The following ANK1 variants were observed in gnomAD, a reference collection of about 807,000 sequenced individuals.
ANK1 encodes the protein ankyrin 1.
A neutral mutation model predicts 210.4 loss-of-function variants in ANK1; 51 were observed. That is an observed-to-expected ratio of 0.24 (90% CI 0.19 to 0.31). The LOEUF (loss-of-function observed/expected upper bound fraction) is 0.31. ANK1 is among the 10% of genes least tolerant of loss of function. The probability of loss-of-function intolerance (pLI) is 1.00; values close to 1 mark genes in which losing one functional copy is unlikely to be tolerated. For missense variants in ANK1, 2,051 were observed against 2,504.4 expected, an observed-to-expected ratio of 0.82 and a Z score of 3.86; for synonymous variants, 967 against 1,025.9, an observed-to-expected ratio of 0.94 and a Z score of 1.10.
At chr8:41,713,281 C>G (rs1197579947) in intron 16 of ANK1, among the ~76,000 whole-genome samples, 1 of 152,208 alleles carries the variant, frequency 6.6e-6, no homozygotes, top group Admixed American at 6.5e-5. Flanking sequence ...GTCTTCCTGG[C>G]CCCGCTCCCT....
intron 2 of ANK1, among the ~76,000 whole-genome samples, chr8:41,741,144 G>A (rs1834693696): frequency 6.6e-6 from 1 of 152,178 alleles, no homozygotes; most frequent in Non-Finnish European, 1.5e-5. Context: ...GGGGAGGCCT[G>A]TTTTATTCTC....
intron 1 of ANK1, among the ~76,000 whole-genome samples, chr8:41,791,194 GTTTTTTTTTTTTTTTT>G (rs71239082): frequency 1.4e-5 from 1 of 70,120 alleles, no homozygotes; most frequent in East Asian, 4.5e-4. Flanking sequence ...TACTAACTTT[GTTTTTTTTTTTTTTTT>G]TTTTTTTTTT....
chr8:41,664,676 G>A (rs932398419), intron 39 of ANK1: 4 of 908,540 alleles, frequency 4.4e-6, no homozygotes, highest in South Asian at 1.5e-5. Flanking sequence ...TGATCCCTGG[G>A]GGCCTCCTGG....
chr8:41,791,718 G>A (rs71521554), intron 1 of ANK1, among the ~76,000 whole-genome samples: 1 of 152,144 alleles, frequency 6.6e-6, no homozygotes. Context: ...ACTTTCTGAA[G>A]AAAACTGAAA....
chr8:41,724,704 A>G (rs1370301326), intron 6 of ANK1, 150 bp from the exon 7 acceptor site: 1 of 760,748 alleles, frequency 1.3e-6, no homozygotes, highest in African/African-American at 1.7e-5. Flanking sequence ...GAGGGGGTCA[A>G]GAGAGGCTTT....
intron 13 of ANK1, among the ~76,000 whole-genome samples, chr8:41,716,119 T>C (rs551829891): frequency 1.3e-5 from 2 of 152,272 alleles, no homozygotes; most frequent in African/African-American, 4.8e-5. Context: ...ATCTGTAAAA[T>C]GGGAATAATA....
At chr8:41,757,951 T>G in intron 2 of ANK1, 85 bp downstream of exon 2, 2 of 1,243,226 alleles carry the variant, frequency 1.6e-6, no homozygotes, top group Admixed American at 1.7e-5. Context: ...AAAAGGTTAA[T>G]AGAGGCAGTT....
chr8:41,880,058 C>T (rs918465704), intron 1 of ANK1, among the ~76,000 whole-genome samples: 7 of 152,152 alleles, frequency 4.6e-5, no homozygotes, highest in Non-Finnish European at 1.0e-4. Flanking sequence ...CAGGTCTAGC[C>T]CGCTGCCCAT....
Position 41,822,134 on chromosome 8 carries a change from GAAAGAAAGAA to G in ANK1, c.127-64007_127-63998del, listed in dbSNP as rs1563845752. ...AGAGAGAAAGAAAGAGAAAGAAAGA[GAAAGAAAGAA>G]AGAAAGAAAGAAAGAAAGAAAGAAA... is the stretch of plus-strand genomic sequence containing the variant. On this transcript the variant is annotated intron_variant, in intron 1 of 42. Transcript: ENST00000265709. Among the ~76,000 whole-genome samples, 39 of 31,044 alleles carry G rather than the reference GAAAGAAAGAA, an allele frequency of 1.3e-3. 2 individuals are homozygous for G. Among genetic ancestry groups the G allele is most frequent in the Non-Finnish European group, 2.6e-3 (29 of 11,294 alleles). 20.4% of individuals were successfully genotyped at this position (31,044 alleles called of 152,430 possible). A position where few individuals can be genotyped will look rare whatever the true frequency, so the allele number is the denominator to read the frequency against.
intron 42 of ANK1, chr8:41,660,327 C>G (rs988152236): frequency 2.8e-5 from 12 of 435,892 alleles, no homozygotes; most frequent in African/African-American, 1.9e-4. Flanking sequence ...AAAGCTAGAG[C>G]CTCCTTGCTG....
intron 1 of ANK1, among the ~76,000 whole-genome samples, chr8:41,853,560 T>A (rs957781536): frequency 6.6e-6 from 1 of 152,114 alleles, no homozygotes; most frequent in Non-Finnish European, 1.5e-5. Flanking sequence ...CTTTTAAAAA[T>A]CAAATTTATT....
intron 6 of ANK1, among the ~76,000 whole-genome samples, chr8:41,724,974 C>T (rs908581626): frequency 6.6e-6 from 1 of 152,188 alleles, no homozygotes; most frequent in Non-Finnish European, 1.5e-5. Context: ...ATCTTCCCAC[C>T]GCAGCCTCCC....
chr8:41,693,251 A>G (rs747377692), intron 29 of ANK1, 50 bp from the exon 30 acceptor site: 42 of 1,462,276 alleles, frequency 2.9e-5, no homozygotes, highest in Admixed American at 3.3e-5. Flanking sequence ...GGATGTAAGC[A>G]TGGAGCTTAC....
intron 1 of ANK1, among the ~76,000 whole-genome samples, chr8:41,849,199 G>A (rs1810691867): frequency 6.6e-6 from 1 of 152,190 alleles, no homozygotes; most frequent in Non-Finnish European, 1.5e-5. Flanking sequence ...AAACCTTCTG[G>A]GTGAGGCTGC....
intron 1 of ANK1, among the ~76,000 whole-genome samples, chr8:41,834,762 G>T (rs1807305841): frequency 6.6e-6 from 1 of 152,240 alleles, no homozygotes; most frequent in South Asian, 2.1e-4. Flanking sequence ...CGGAGCACCT[G>T]GTCCCATGCT....
intron 9 of ANK1, among the ~76,000 whole-genome samples, chr8:41,721,212 A>AT (rs1240876993): frequency 6.6e-6 from 1 of 152,154 alleles, no homozygotes; most frequent in Admixed American, 6.5e-5. Context: ...AAACAGGGAG[A>AT]TTTGGGCACC....
intron 1 of ANK1, among the ~76,000 whole-genome samples, chr8:41,858,310 C>T (rs771663235): frequency 2.0e-5 from 3 of 148,716 alleles, no homozygotes; most frequent in Admixed American, 6.7e-5. Flanking sequence ...ATTGCATCAC[C>T]GCAATCCAGC....
At chr8:41,864,891 G>A (rs899821266) in intron 1 of ANK1, among the ~76,000 whole-genome samples, 28 of 152,216 alleles carry the variant, frequency 1.8e-4, no homozygotes, top group Middle Eastern at 3.2e-3. Flanking sequence ...GCATTTCACA[G>A]CCCAAACAAC....
chr8:41,692,059 C>T (rs1819413653), intron 31 of ANK1, among the ~76,000 whole-genome samples: 1 of 140,844 alleles, frequency 7.1e-6, no homozygotes, highest in Non-Finnish European at 1.6e-5. Flanking sequence ...CTGGCTAGCA[C>T]TTTTTTTTTT....
Sources: allele counts gnomAD v4.1 joint callset (sites outside exome capture counted in the v4.1 genomes callset), GRCh38; gene constraint gnomAD v4.1.1; transcripts MANE v1.5; gene names NCBI Gene and HGNC (gene_info 2026-07-23, HGNC 2026-07-21).